Variants in AUTS2 observed in about 807,000 individuals in gnomAD.
AUTS2 encodes the protein activator of transcription and developmental regulator AUTS2.
AUTS2 carries 17 observed loss-of-function variants against 112.4 expected under a neutral mutation model. That is an observed-to-expected ratio of 0.15 (90% confidence interval 0.10 to 0.23). The LOEUF (loss-of-function observed/expected upper bound fraction) is 0.23, where lower values mean the gene tolerates loss of function less well. Ranked by LOEUF, AUTS2 falls within the 10% of genes least tolerant of loss-of-function variation. The pLI is 1.00. For synonymous variants in AUTS2, 751 were observed against 702.7 expected (o/e 1.07, Z -1.09); for missense variants, 1,510 against 1,701.6 (o/e 0.89, Z 1.98).
chr7:70,078,327 G>A (rs771442113), intron 2 of AUTS2, among the ~76,000 whole-genome samples: 5 of 152,120 alleles, frequency 3.3e-5, no homozygotes, highest in Admixed American at 6.5e-5. Flanking sequence ...TGGGTGGACA[G>A]ATCAGGACAA....
chr7:70,333,112 T>C (rs1790833495), intron 4 of AUTS2, among the ~76,000 whole-genome samples: 1 of 152,034 alleles, frequency 6.6e-6, no homozygotes, highest in African/African-American at 2.4e-5. Context: ...TAAACAAATT[T>C]ACAAGAAAGA....
At chr7:70,296,868 G>A (rs1721768508) in intron 4 of AUTS2, among the ~76,000 whole-genome samples, 1 of 137,282 alleles carries the variant, frequency 7.3e-6, no homozygotes, top group Non-Finnish European at 1.5e-5. Context: ...TTGAGACAGT[G>A]TCTTGCTCTG....
chr7:69,879,886 A>G (rs1274292280), intron 1 of AUTS2, among the ~76,000 whole-genome samples: 1 of 152,116 alleles, frequency 6.6e-6, no homozygotes, highest in East Asian at 1.9e-4. Flanking sequence ...TGCAGCCTTG[A>G]CTTCCCAGGC....
intron 2 of AUTS2, among the ~76,000 whole-genome samples, chr7:70,019,551 A>G (rs1019165172): frequency 2.0e-4 from 31 of 152,330 alleles, no homozygotes; most frequent in African/African-American, 7.5e-4. Context: ...TAGGAATACA[A>G]TTGTCAGTGA....
intron 2 of AUTS2, among the ~76,000 whole-genome samples, chr7:69,956,473 A>G (rs1387777611): frequency 6.6e-6 from 1 of 152,168 alleles, no homozygotes; most frequent in African/African-American, 2.4e-5. Flanking sequence ...TACAATCAAG[A>G]TCACCTGCGG....
intron 1 of AUTS2, among the ~76,000 whole-genome samples, chr7:69,614,367 T>TCTTTTCTTTC (rs57602451): frequency 6.6e-5 from 6 of 90,284 alleles, no homozygotes; most frequent in Admixed American, 1.2e-4. Flanking sequence ...TTTCTTTCTT[T>TCTTTTCTTTC]TTTTAAGAGA....
intron 1 of AUTS2, among the ~76,000 whole-genome samples, chr7:69,687,190 GAC>G (rs1251551623): frequency 6.6e-6 from 1 of 152,106 alleles, no homozygotes; most frequent in African/African-American, 2.4e-5. Context: ...AGATTAAACA[GAC>G]AATTTTCAAA....
At chr7:70,742,241 TA>T (rs1230167317) in intron 6 of AUTS2, among the ~76,000 whole-genome samples, 1 of 152,190 alleles carries the variant, frequency 6.6e-6, no homozygotes, top group Non-Finnish European at 1.5e-5. Context: ...GGAATGAAAG[TA>T]CATGTTAAAG....
At position 70,547,556 on chromosome 7, in the gene AUTS2, A is replaced by G. The variant is rs372662900; in HGVS notation, c.690+111775A>G. On this transcript the variant is annotated intron_variant, in intron 5 of 18. Coordinates refer to ENST00000342771, the MANE Select transcript of AUTS2 (RefSeq NM_015570.4). ...GCGTGAGCCACCGTGCCCGGCCGTA[A>G]TGTGTGGTCTTTTGCATGTGGCTTC... Among the ~76,000 whole-genome samples, 38 of 152,246 alleles carry G rather than the reference A, an allele frequency of 2.5e-4. No homozygotes were observed. The East Asian group carries it at 2.9e-3, about 12-fold the overall frequency.
intron 2 of AUTS2, among the ~76,000 whole-genome samples, chr7:70,014,752 G>C (rs1799954976): frequency 6.6e-6 from 1 of 152,180 alleles, no homozygotes; most frequent in Non-Finnish European, 1.5e-5. Context: ...GAGTTGTCTT[G>C]TTAATTAGGC....
chr7:70,326,635 C>G (rs1281183532), intron 4 of AUTS2, among the ~76,000 whole-genome samples: 1 of 152,130 alleles, frequency 6.6e-6, no homozygotes, highest in African/African-American at 2.4e-5. Context: ...CTTTATGGAT[C>G]GTCTTTCTAA....
chr7:70,042,372 G>A (rs1801286249), intron 2 of AUTS2, among the ~76,000 whole-genome samples: 1 of 152,138 alleles, frequency 6.6e-6, no homozygotes, highest in Non-Finnish European at 1.5e-5. Flanking sequence ...ATGAGGCAGA[G>A]CCTATCAAAA....
At chr7:70,590,098 G>T (rs1291782567) in intron 5 of AUTS2, among the ~76,000 whole-genome samples, 1 of 151,888 alleles carries the variant, frequency 6.6e-6, no homozygotes, top group Non-Finnish European at 1.5e-5. Flanking sequence ...TCAGAGAACA[G>T]TGGCCAGGAA....
intron 4 of AUTS2, among the ~76,000 whole-genome samples, chr7:70,322,822 G>A (rs1213603125): frequency 6.6e-6 from 1 of 152,144 alleles, no homozygotes; most frequent in African/African-American, 2.4e-5. Context: ...ATTCATTCGT[G>A]GGAGATAGTA....
At chr7:69,865,325 G>T (rs1018534006) in intron 1 of AUTS2, among the ~76,000 whole-genome samples, 2 of 152,028 alleles carry the variant, frequency 1.3e-5, no homozygotes, top group Admixed American at 6.6e-5. Flanking sequence ...GTTTATTTCC[G>T]AATGGTGCCC....
intron 6 of AUTS2, among the ~76,000 whole-genome samples, chr7:70,743,418 G>A (rs1451254917): frequency 2.1e-5 from 3 of 143,104 alleles, no homozygotes; most frequent in African/African-American, 5.3e-5. Flanking sequence ...GCAGTGAGCC[G>A]AGATTGCGCC....
rs146132184 is a variant in AUTS2, at chr7:70,681,385, A to G, written c.691-17184A>G. On this transcript the variant is annotated intron_variant, in intron 5 of 18. Coordinates refer to ENST00000342771, the MANE Select transcript of AUTS2 (RefSeq NM_015570.4). ...CCCCCACCCGCTGTCACTTGGAGTC[A>G]TTCAGTCAATCACATGGAGAATCAG... is the stretch of plus-strand genomic sequence containing the variant. 7.1e-3 allele frequency among the ~76,000 whole-genome samples: 1,088 copies of G among 152,228 alleles called. 8 individuals carry two copies. The highest frequency in any genetic ancestry group is 0.012 in the Non-Finnish European group (792 of 68,008).
chr7:70,222,045 T>G (rs1811514336), intron 4 of AUTS2, among the ~76,000 whole-genome samples: 1 of 152,214 alleles, frequency 6.6e-6, no homozygotes, highest in South Asian at 2.1e-4. Context: ...AAATACAACT[T>G]TGTTTAAATA....
chr7:70,725,577 A>T (rs1256515297), intron 6 of AUTS2, among the ~76,000 whole-genome samples: 1 of 152,252 alleles, frequency 6.6e-6, no homozygotes, highest in Non-Finnish European at 1.5e-5. Flanking sequence ...ATGGGAAAGC[A>T]GTGGCATTCC....
Sources: allele counts gnomAD v4.1 joint callset (sites outside exome capture counted in the v4.1 genomes callset), GRCh38; gene constraint gnomAD v4.1.1; transcripts MANE v1.5; gene names NCBI Gene and HGNC (gene_info 2026-07-23, HGNC 2026-07-21).